The following GARNL3 variants were observed in gnomAD, a reference collection of about 807,000 sequenced individuals.
GARNL3 encodes GTPase activating Rap/RanGAP domain like 3.
A neutral mutation model predicts 125.0 loss-of-function variants in GARNL3; 63 were observed. That is an observed-to-expected ratio of 0.50 (90% CI 0.41 to 0.62). GARNL3 has a LOEUF of 0.62. GARNL3 is among the 20% of genes least tolerant of loss of function. The pLI is 0.00. For missense variants in GARNL3, 994 were observed against 1,244.0 expected (o/e 0.80, Z 3.02); for synonymous variants, 439 against 457.5 (o/e 0.96, Z 0.52).
intron 7 of GARNL3, among the ~76,000 whole-genome samples, chr9:127,329,417 C>T (rs1221243147): frequency 1.3e-5 from 2 of 152,160 alleles, no homozygotes. Flanking sequence ...CTTGGGTGCA[C>T]AGGTACTTAA....
chr9:127,342,457 G>C (rs760945109), intron 14 of GARNL3, 123 bp downstream of exon 14: 27 of 669,152 alleles, frequency 4.0e-5, no homozygotes, highest in Admixed American at 1.0e-4. Context: ...CTTGCTGTCA[G>C]GACTGTGCTG....
rs1005037557 is a variant in GARNL3 at position 127,392,406 on chromosome 9, G to A, written c.2871-677G>A. The stretch of plus-strand genomic sequence containing the variant: ...GCATTGGGCTGGGCTTGGAATAAAC[G>A]GTAAGAAGCTAGGGGAACAGCCCTT... On this transcript the variant is annotated intron_variant, in intron 27 of 27. Transcript: ENST00000373387. This position sits in a 1 kb window ranked among gnomAD's most constrained non-coding sequence, Gnocchi z 5.2. Among the ~76,000 whole-genome samples, 4 of 152,230 alleles carry A rather than the reference G, an allele frequency of 2.6e-5. No individual in the cohort carries two copies. The highest frequency in any genetic ancestry group is 5.9e-5 in the Non-Finnish European group (4 of 68,046).
chr9:127,227,809 A>G (rs778973114), intron 1 of GARNL3, among the ~76,000 whole-genome samples: 2 of 151,428 alleles, frequency 1.3e-5, no homozygotes, highest in Non-Finnish European at 2.9e-5. Flanking sequence ...AGTCTCAGCT[A>G]CTCCAGAGGC....
chr9:127,257,996 T>C (rs1316250260), intron 2 of GARNL3, among the ~76,000 whole-genome samples: 4 of 152,098 alleles, frequency 2.6e-5, no homozygotes, highest in African/African-American at 9.7e-5. Context: ...AGATATTGTT[T>C]TAACCCCCTG....
chr9:127,339,501 C>A, intron 12 of GARNL3, 144 bp from the exon 13 acceptor site: 2 of 629,882 alleles, frequency 3.2e-6, no homozygotes, highest in East Asian at 5.4e-5. Flanking sequence ...GAAAGACTGG[C>A]CCCCATGATT....
intron 6 of GARNL3, among the ~76,000 whole-genome samples, chr9:127,323,435 A>AC (rs1472529915): frequency 1.3e-5 from 2 of 152,112 alleles, no homozygotes; most frequent in African/African-American, 4.8e-5. Context: ...GAGTGTTGAG[A>AC]CTCTAGCCCT....
intron 16 of GARNL3, among the ~76,000 whole-genome samples, chr9:127,348,437 G>A (rs1171434583): frequency 6.6e-6 from 1 of 152,172 alleles, no homozygotes; most frequent in African/African-American, 2.4e-5. Context: ...GGGTCAATAG[G>A]CATTTTCACG....
intron 22 of GARNL3, among the ~76,000 whole-genome samples, chr9:127,373,584 G>C (rs1474073595): frequency 2.0e-5 from 3 of 152,016 alleles, no homozygotes; most frequent in Admixed American, 6.6e-5. Context: ...GAGCAATATA[G>C]TGAGACCCTG....
chr9:127,257,415 C>T (rs1327645063), intron 2 of GARNL3, among the ~76,000 whole-genome samples: 10 of 152,222 alleles, frequency 6.6e-5, no homozygotes, highest in Admixed American at 3.3e-4. Context: ...GGTCCAGCTT[C>T]TCCACTTCCT....
rs2131821911 is a variant in GARNL3 at position 127,384,561 on chromosome 9, T to C, written c.2270-466T>C. Among the ~76,000 whole-genome samples, 1 of 151,904 alleles carries C rather than the reference T, an allele frequency of 6.6e-6. No homozygotes were observed. Among genetic ancestry groups the C allele is most frequent in the Non-Finnish European group, 1.5e-5 (1 of 67,996 alleles). On this transcript the variant is annotated intron_variant, in intron 23 of 27. Coordinates refer to ENST00000373387, the MANE Select transcript of GARNL3 (RefSeq NM_032293.5). The surrounding 1 kb of genome is among the most constrained non-coding windows in gnomAD (Gnocchi z 4.0). The stretch of plus-strand genomic sequence containing the variant: ...ATAAGATGCAGCCCCGGCTCAGACG[T>C]GCAGCTGGAGGAGCACATGGGAGGA...
exon 2 of GARNL3, chr9:127,243,171 AGTC>A (rs2131170787): frequency 2.2e-6 from 3 of 1,366,458 alleles, no homozygotes; most frequent in Non-Finnish European, 2.9e-6. Context: ...TGGAAAGCAA[AGTC>A]GTCTCTCTCC....
At chr9:127,293,131 G>A (rs2064475969) in intron 2 of GARNL3, among the ~76,000 whole-genome samples, 1 of 152,118 alleles carries the variant, frequency 6.6e-6, no homozygotes, top group Non-Finnish European at 1.5e-5. Context: ...CTGGCCAATG[G>A]TACTTTCTAG....
chr9:127,237,910 T>G lies in GARNL3; in HGVS notation c.-28-5169T>G, dbSNP rs528157108. The stretch of plus-strand genomic sequence containing the variant: ...GTCAGTTCCATAGATCAAGCCCGGG[T>G]TGATGTTTTGCAGATGGATTGTCTT... On this transcript the variant is annotated intron_variant, in intron 1 of 10. Coordinates refer to the GARNL3 transcript ENST00000439286. 2.0e-5 allele frequency among the ~76,000 whole-genome samples: 3 copies of G among 152,202 alleles called. No homozygotes were observed. The East Asian group carries it at 5.8e-4, about 29-fold the overall frequency.
At chr9:127,295,515 T>C (rs1207179163) in intron 2 of GARNL3, among the ~76,000 whole-genome samples, 3 of 152,150 alleles carry the variant, frequency 2.0e-5, no homozygotes, top group Admixed American at 1.3e-4. Context: ...TCACACCGAC[T>C]ACCTGGAGTT....
chr9:127,360,346 A>G (rs1429645696), intron 21 of GARNL3, among the ~76,000 whole-genome samples: 1 of 152,120 alleles, frequency 6.6e-6, no homozygotes, highest in African/African-American at 2.4e-5. Flanking sequence ...TTTAAGGAAA[A>G]AAAAACCCTT....
chr9:127,236,089 A>G (rs1342393880), intron 1 of GARNL3, among the ~76,000 whole-genome samples: 1 of 152,204 alleles, frequency 6.6e-6, no homozygotes, highest in African/African-American at 2.4e-5. Flanking sequence ...TTCATTTACA[A>G]AGAAATTAGG....
At chr9:127,319,006 G>A (rs1022302754) in intron 5 of GARNL3, among the ~76,000 whole-genome samples, 10 of 152,146 alleles carry the variant, frequency 6.6e-5, no homozygotes, top group South Asian at 2.1e-4. Context: ...ATGCCCTATC[G>A]TATGAAGGGC....
At chr9:127,231,052 T>TATATATATA (rs1271085624) in intron 1 of GARNL3, among the ~76,000 whole-genome samples, 35 of 72,654 alleles carry the variant, frequency 4.8e-4, no homozygotes, top group East Asian at 2.1e-3. Context: ...ATATATATAT[T>TATATATATA]TTTTTTTTTT....
upstream of GARNL3, among the ~76,000 whole-genome samples, chr9:127,263,063 T>G (rs946704586): frequency 1.8e-4 from 28 of 152,316 alleles, no homozygotes; most frequent in Admixed American, 1.6e-3. Context: ...TGAAATGTAA[T>G]ATGGGGGAAG....
Sources: allele counts gnomAD v4.1 joint callset (sites outside exome capture counted in the v4.1 genomes callset), GRCh38; gene constraint gnomAD v4.1.1; non-coding constraint Gnocchi (gnomAD v3.1); transcripts MANE v1.5; gene names NCBI Gene and HGNC (gene_info 2026-07-23, HGNC 2026-07-21).